Variants in TBC1D10A observed in about 807,000 individuals in gnomAD.
TBC1D10A encodes EBP50-PDX interactor of 64 kDa.
TBC1D10A carries 24 observed loss-of-function variants against 52.9 expected under a neutral mutation model. That is an observed-to-expected ratio of 0.45 (90% confidence interval 0.33 to 0.64). TBC1D10A has a LOEUF of 0.64. Among genes scored for constraint, TBC1D10A ranks in the 30% least tolerant of loss-of-function variants. The probability of loss-of-function intolerance (pLI) is 0.02; values close to 1 mark genes in which losing one functional copy is unlikely to be tolerated. For synonymous variants in TBC1D10A, 278 were observed against 282.9 expected (o/e 0.98, Z 0.17); for missense variants, 602 against 687.9 (o/e 0.88, Z 1.40).
At chr22:30,323,995 C>T (rs1358140418) in intron 1 of TBC1D10A, among the ~76,000 whole-genome samples, 1 of 152,076 alleles carries the variant, frequency 6.6e-6, no homozygotes, top group Non-Finnish European at 1.5e-5. Context: ...CCTTACAGTG[C>T]AGTCTATGGT....
intron 1 of TBC1D10A, chr22:30,318,712 C>G (rs1482866968): frequency 2.1e-6 from 1 of 471,190 alleles, no homozygotes; most frequent in South Asian, 1.5e-5. Context: ...ATTTGCCAGC[C>G]TCTTTATCCT....
intron 1 of TBC1D10A, among the ~76,000 whole-genome samples, chr22:30,314,609 A>T (rs9620970): frequency 0.54 from 81,623 of 151,746 alleles, 22,693 homozygotes; most frequent in South Asian, 0.77. Flanking sequence ...CAGGAGTTTG[A>T]GACCAGCCTG....
chr22:30,294,959 G>C lies in TBC1D10A; in HGVS notation c.621C>G (p.Leu207=), dbSNP rs772193404. ...QAQAPIAAVL[L]MHMPAEQAFW... is the part of the protein sequence containing the mutation. ...GTGGTACCTCAGCAGGCATATGCAT[G>C]AGCAAGACAGCGGCAATGGGCGCCT... Residue 207 remains leucine (L), a synonymous_variant, in exon 5 of 9, where the codon CTC becomes CTG. Coordinates refer to ENST00000215790, the MANE Select transcript of TBC1D10A (RefSeq NM_031937.3). The C allele has an allele frequency of 6.2e-7, 1 of 1,614,052 alleles. No individual in the cohort carries two copies. Among genetic ancestry groups the C allele is most frequent in the South Asian group, 1.1e-5 (1 of 91,086 alleles).
chr22:30,293,820 G>C lies in TBC1D10A; in HGVS notation c.896-15C>G, dbSNP rs748664380. On this transcript the variant is annotated splice_polypyrimidine_tract_variant and intron_variant, in intron 7 of 8. Coordinates refer to ENST00000215790, the MANE Select transcript of TBC1D10A (RefSeq NM_031937.3). ...GATCTTGACCCCTGCATGGGGGATG[G>C]GCAGTAAGTACAAGGAAGCTTTTTG... 7.5e-6 allele frequency: 12 copies of C among 1,606,436 alleles called. 2 individuals are homozygous for C. The South Asian group carries it at 1.2e-4, about 16-fold the overall frequency.
chr22:30,313,346 TGTGTGTGTGTGTGTGTGTGTGTG>T (rs1192901072), intron 1 of TBC1D10A, among the ~76,000 whole-genome samples: 7 of 42,442 alleles, frequency 1.6e-4, no homozygotes, highest in Non-Finnish European at 4.6e-4. Flanking sequence ...AATAAATGTG[TGTGTGTGTGTGTGTGTGTGTGTG>T]TGTGTGTGTG....
intron 2 of TBC1D10A, 73 bp from the exon 3 acceptor site, chr22:30,299,624 G>A: frequency 7.2e-7 from 1 of 1,383,278 alleles, no homozygotes; most frequent in Non-Finnish European, 1.0e-6. Context: ...CTCTGCCAAT[G>A]CGTGGTGGGC....
intron 1 of TBC1D10A, among the ~76,000 whole-genome samples, chr22:30,307,522 C>A (rs1239139822): frequency 6.6e-6 from 1 of 152,188 alleles, no homozygotes; most frequent in Non-Finnish European, 1.5e-5. Flanking sequence ...GCTTTTGAGG[C>A]CATACAATTC....
chr22:30,293,810 A>G lies in TBC1D10A; in HGVS notation c.896-5T>C, dbSNP rs779322197. The G allele has an allele frequency of 3.7e-6, 6 of 1,608,142 alleles. No homozygotes were observed. Among genetic ancestry groups the G allele is most frequent in the Non-Finnish European group, 4.3e-6 (5 of 1,175,670 alleles). On this transcript the variant is annotated splice_region_variant and splice_polypyrimidine_tract_variant and intron_variant, in intron 7 of 8. Coordinates refer to ENST00000215790, the MANE Select transcript of TBC1D10A (RefSeq NM_031937.3). ...CCCGGAAGATGATCTTGACCCCTGCATGGGGGATGGGCAGTAAGTACAAGG... is the reference window on the plus strand; with the variant it reads ...CCCGGAAGATGATCTTGACCCCTGCGTGGGGGATGGGCAGTAAGTACAAGG...
chr22:30,301,960 T>A (rs959030124), intron 2 of TBC1D10A, among the ~76,000 whole-genome samples: 63 of 152,206 alleles, frequency 4.1e-4, no homozygotes, highest in African/African-American at 1.4e-3. Context: ...GGCAAAGGGA[T>A]GTGCTTTAGC....
intron 1 of TBC1D10A, among the ~76,000 whole-genome samples, chr22:30,310,184 A>G (rs939075059): frequency 3.3e-5 from 5 of 152,320 alleles, no homozygotes; most frequent in Admixed American, 2.0e-4. Context: ...GCAAAAAGTG[A>G]CAACTTCTTC....
chr22:30,303,777 T>C (rs778807524), intron 2 of TBC1D10A, among the ~76,000 whole-genome samples: 1 of 152,178 alleles, frequency 6.6e-6, no homozygotes. Flanking sequence ...GGCCAGGTGG[T>C]AACACCATGC....
intron 6 of TBC1D10A, 53 bp downstream of exon 6, chr22:30,294,743 G>A (rs1930034977): frequency 6.2e-7 from 1 of 1,609,574 alleles, no homozygotes; most frequent in Non-Finnish European, 8.5e-7. Flanking sequence ...GGGCCTGGAG[G>A]GGCCACAGAG....
intron 1 of TBC1D10A, chr22:30,318,591 G>A (rs190089974): frequency 2.1e-6 from 1 of 470,854 alleles, no homozygotes; most frequent in Non-Finnish European, 4.4e-6. Context: ...CTTCCCTGTA[G>A]CCAGAGGGCT....
chr22:30,294,749 C>G, intron 6 of TBC1D10A, 47 bp downstream of exon 6: 1 of 1,613,134 alleles, frequency 6.2e-7, no homozygotes, highest in South Asian at 1.1e-5. Context: ...GGAGGGGCCA[C>G]AGAGGGTGTC....
intron 1 of TBC1D10A, among the ~76,000 whole-genome samples, chr22:30,318,159 C>T (rs1475146452): frequency 2.6e-5 from 4 of 152,158 alleles, no homozygotes; most frequent in African/African-American, 7.2e-5. Context: ...CAAGGCACCA[C>T]CTCTAAGAAC....
intron 1 of TBC1D10A, among the ~76,000 whole-genome samples, chr22:30,319,952 A>G (rs1018375089): frequency 6.6e-6 from 1 of 152,158 alleles, no homozygotes; most frequent in African/African-American, 2.4e-5. Flanking sequence ...TGAGGAAGAG[A>G]AAGGGGAAGA....
intron 3 of TBC1D10A, chr22:30,298,569 G>C (rs1930133939): frequency 6.6e-6 from 1 of 152,422 alleles, no homozygotes; most frequent in East Asian, 1.9e-4. Flanking sequence ...TGTCAACAAA[G>C]AGCTGGTGGT....
chr22:30,322,986 C>G (rs930530475), intron 1 of TBC1D10A, among the ~76,000 whole-genome samples: 4 of 151,394 alleles, frequency 2.6e-5, no homozygotes, highest in Non-Finnish European at 4.4e-5. Flanking sequence ...CTGCAACCTC[C>G]ACCTCCTGGG....
rs745967708 is a variant in TBC1D10A, at chr22:30,295,749, C to T, written c.512G>A (p.Arg171Gln). Residue 171 changes from arginine to glutamine, a missense_variant, in exon 4 of 9, where the codon CGG becomes CAG. This residue lies in a region of TBC1D10A where 136 missense variants were observed against 208.4 expected (regional missense o/e 0.65). Coordinates refer to ENST00000215790, the MANE Select transcript of TBC1D10A (RefSeq NM_031937.3). The stretch of plus-strand genomic sequence containing the variant: ...CCAGCCTGCTCACCCGTGGCCCCCC[C>T]GGGACACAAACATCTCATGGAATGG... ...QFPFHEMFVSRGGHGQQDLFR... is the reference protein window; with the variant it reads ...QFPFHEMFVSQGGHGQQDLFR... 19 of 1,613,844 alleles carry T rather than the reference C, an allele frequency of 1.2e-5. No homozygotes were observed. The highest frequency in any genetic ancestry group is 2.2e-5 in the East Asian group (1 of 44,898).
Sources: gnomAD v4.1 joint callset for allele counts (sites outside exome capture counted in the v4.1 genomes callset) on GRCh38, gnomAD v4.1.1 for gene constraint, gnomAD v4.1.1 regional missense constraint, MANE v1.5 for transcripts, NCBI Gene and HGNC (gene_info 2026-07-23, HGNC 2026-07-21) for gene names.